ABCA1: variants seen among roughly 807,000 people sequenced by gnomAD.
The protein encoded by ABCA1 is ATP binding cassette subfamily A member 1.
A neutral mutation model predicts 262.5 loss-of-function variants in ABCA1; 133 were observed. The ratio of observed to expected loss-of-function variants is 0.51; its 90% CI spans 0.44 to 0.59. ABCA1 has a LOEUF of 0.59. Ranked by LOEUF, ABCA1 falls within the 20% of genes least tolerant of loss-of-function variation. The pLI is 0.00. For synonymous variants in ABCA1, 1,022 were observed against 1,043.5 expected, an observed-to-expected ratio of 0.98 and a Z score of 0.40; for missense variants, 2,452 against 2,777.5, an observed-to-expected ratio of 0.88 and a Z score of 2.63.
chr9:104,813,572 C>A (rs1022321269), intron 27 of ABCA1, among the ~76,000 whole-genome samples: 3 of 152,194 alleles, frequency 2.0e-5, no homozygotes, highest in African/African-American at 7.2e-5. Context: ...TGCCACCACA[C>A]TCGGCTAATT....
intron 1 of ABCA1, among the ~76,000 whole-genome samples, chr9:104,908,482 C>A (rs1841304390): frequency 6.6e-6 from 1 of 152,156 alleles, no homozygotes; most frequent in Admixed American, 6.5e-5. Flanking sequence ...GCCTGGCCAA[C>A]ATGGTGAAAC....
rs990132611 is a variant in ABCA1 at position 104,819,510 on chromosome 9, G to A, written c.3241+76C>T. On this transcript the variant is annotated intron_variant, in intron 22 of 49. Transcript: ENST00000374736. ...CATGGCTTCACAGAAGCCTAGCCAT[G>A]AGATACAGCCACACTTCTCAAAAGC... 3 of 1,601,600 alleles carry A rather than the reference G, an allele frequency of 1.9e-6. No individual in the cohort carries two copies. In the African/African-American group the frequency reaches 4.0e-5, roughly 21 times the overall value.
chr9:104,884,505 C>G lies in ABCA1; in HGVS notation c.224G>C (p.Cys75Ser), dbSNP rs750478782. ...ACGGAAACAGGGGTTGTTGGCATTA[C>G]AGATAATCCCCTGAACCCAAGGAAG... ...GTLPWVQGII[C>S]NANNPCFRYP... The change falls in exon 4 of 50, where the codon TGT becomes TCT. Residue 75 changes from cysteine to serine, a missense_variant. Cys to Ser is a moderately radical substitution (Grantham distance 112). This residue lies in a region of ABCA1 where 1,032 missense variants were observed against 1,089.7 expected (regional missense o/e 0.95). Coordinates refer to ENST00000374736, the MANE Select transcript of ABCA1 (RefSeq NM_005502.4). 1 of 1,614,098 alleles carries G rather than the reference C, an allele frequency of 6.2e-7. No homozygotes were observed. Among genetic ancestry groups the G allele is most frequent in the Non-Finnish European group, 8.5e-7 (1 of 1,180,040 alleles).
rs572354015 is a variant in ABCA1 at position 104,795,537 on chromosome 9, A to T, written c.5382+516T>A. On this transcript the variant is annotated intron_variant, in intron 39 of 49. Coordinates refer to ENST00000374736, the MANE Select transcript of ABCA1 (RefSeq NM_005502.4). The stretch of plus-strand genomic sequence containing the variant: ...GGTAGTGCCACTGAGTGTGACAGGG[A>T]TGGCAAGAAAAGCATTAAGTTCCAA... Among the ~76,000 whole-genome samples the T allele has an allele frequency of 4.6e-5, 7 of 152,318 alleles. No homozygotes were observed. The South Asian group carries it at 1.0e-3, about 23-fold the overall frequency.
chr9:104,788,093 G>C (rs757969860), intron 45 of ABCA1, 39 bp from the exon 46 acceptor site: 1 of 1,604,192 alleles, frequency 6.2e-7, no homozygotes, highest in South Asian at 1.1e-5. Flanking sequence ...GGTCTGGCTT[G>C]GGAATTTTAT....
At chr9:104,815,319 T>A (rs1831644735) in intron 25 of ABCA1, among the ~76,000 whole-genome samples, 1 of 152,236 alleles carries the variant, frequency 6.6e-6, no homozygotes, top group Non-Finnish European at 1.5e-5. Context: ...AAATTCTGAT[T>A]CACAGGCCCT....
chr9:104,845,646 T>A, intron 7 of ABCA1, 77 bp from the exon 8 acceptor site: 1 of 1,012,522 alleles, frequency 9.9e-7, no homozygotes, highest in Non-Finnish European at 1.5e-6. Context: ...ACAAGTGAAT[T>A]AAAACTGTTC....
chr9:104,885,169 G>C (rs1839049256), intron 3 of ABCA1, among the ~76,000 whole-genome samples: 1 of 152,192 alleles, frequency 6.6e-6, no homozygotes, highest in Non-Finnish European at 1.5e-5. Flanking sequence ...TCAGGAGGGG[G>C]AGGTTGCAGT....
intron 40 of ABCA1, among the ~76,000 whole-genome samples, chr9:104,793,606 C>T (rs1038686203): frequency 1.3e-5 from 2 of 151,720 alleles, no homozygotes; most frequent in Admixed American, 1.3e-4. Context: ...TTTAAAAAGG[C>T]AAACGACCCA....
chr9:104,835,204 T>C (rs1003371720), intron 11 of ABCA1, among the ~76,000 whole-genome samples: 1 of 147,222 alleles, frequency 6.8e-6, no homozygotes, highest in East Asian at 2.0e-4. Flanking sequence ...GCCAAGATCA[T>C]GCCACTGCAT....
chr9:104,828,165 C>T (rs78794757), intron 15 of ABCA1, among the ~76,000 whole-genome samples: 9,167 of 152,238 alleles, frequency 0.06, 477 homozygotes, highest in East Asian at 0.28. Flanking sequence ...TGTCAGTAGA[C>T]GGCCTCAGGC....
At chr9:104,800,407 G>A in intron 35 of ABCA1, 103 bp downstream of exon 35, 1 of 1,098,598 alleles carries the variant, frequency 9.1e-7, no homozygotes, top group Non-Finnish European at 1.4e-6. Context: ...GCTCTTTTCT[G>A]TTGTGAATGC....
chr9:104,835,246 CAAAAAAA>C (rs201375651), intron 11 of ABCA1, among the ~76,000 whole-genome samples: 8 of 99,248 alleles, frequency 8.1e-5, no homozygotes, highest in Non-Finnish European at 1.4e-4. Flanking sequence ...AGACTCTGTC[CAAAAAAA>C]AAAAAAAAGA....
chr9:104,885,468 G>A (rs143535394), intron 3 of ABCA1, among the ~76,000 whole-genome samples: 1 of 149,728 alleles, frequency 6.7e-6, no homozygotes, highest in African/African-American at 2.5e-5. Flanking sequence ...GCTCCTCAAG[G>A]GCACCTGAAA....
chr9:104,804,869 G>A, intron 31 of ABCA1, 149 bp from the exon 32 acceptor site: 1 of 738,628 alleles, frequency 1.4e-6, no homozygotes, highest in Non-Finnish European at 2.5e-6. Context: ...CCAGCACTGA[G>A]ACTTGGTTCA....
At chr9:104,896,119 C>T (rs1840174831) in intron 2 of ABCA1, among the ~76,000 whole-genome samples, 1 of 152,092 alleles carries the variant, frequency 6.6e-6, no homozygotes, top group South Asian at 2.1e-4. Flanking sequence ...TCTAAGAGAA[C>T]TCACAAAGTT....
At chr9:104,824,604 C>G in intron 17 of ABCA1, 26 bp from the exon 18 acceptor site, 1 of 1,611,686 alleles carries the variant, frequency 6.2e-7, no homozygotes, top group Non-Finnish European at 8.5e-7. Flanking sequence ...AGGTATGAGC[C>G]AAGCTCAGCA....
intron 19 of ABCA1, among the ~76,000 whole-genome samples, chr9:104,822,062 C>T (rs1300221196): frequency 6.6e-6 from 1 of 152,176 alleles, no homozygotes; most frequent in African/African-American, 2.4e-5. Flanking sequence ...GCCCCTGACC[C>T]CTCCTGATAC....
chr9:104,874,336 C>CATGGTCAGGAGTTCAAAG (rs1474130218), intron 5 of ABCA1, among the ~76,000 whole-genome samples: 2 of 152,126 alleles, frequency 1.3e-5, no homozygotes, highest in African/African-American at 4.8e-5. Context: ...ACATGGCAAA[C>CATGGTCAGGAGTTCAAAG]ATGGTCAGGA....
Sources: allele counts gnomAD v4.1 joint callset (sites outside exome capture counted in the v4.1 genomes callset), GRCh38; gene constraint gnomAD v4.1.1; regional missense constraint gnomAD v4.1.1; transcripts MANE v1.5; gene names NCBI Gene and HGNC (gene_info 2026-07-23, HGNC 2026-07-21).